Variants in TTC28 observed in about 807,000 individuals in gnomAD.
TTC28 encodes tetratricopeptide repeat domain 28.
TTC28 carries 61 observed loss-of-function variants against 198.0 expected under a neutral mutation model. The observed-to-expected ratio is 0.31, with a 90% CI of 0.25 to 0.38. The LOEUF is 0.38. Ranked by LOEUF, TTC28 falls within the 10% of genes least tolerant of loss-of-function variation. The pLI, the probability that TTC28 is intolerant of heterozygous loss-of-function variation, is 1.00. For missense variants in TTC28, 2,678 were observed against 3,164.0 expected, an observed-to-expected ratio of 0.85 and a Z score of 3.69; for synonymous variants, 1,171 against 1,297.8, an observed-to-expected ratio of 0.90 and a Z score of 2.10.
intron 2 of TTC28, among the ~76,000 whole-genome samples, chr22:28,612,844 G>C (rs1413574052): frequency 6.6e-6 from 1 of 152,138 alleles, no homozygotes; most frequent in African/African-American, 2.4e-5. Flanking sequence ...TGTTTAGAGA[G>C]AAATTTATAG....
chr22:28,179,557 C>T (rs1923508719), intron 5 of TTC28, among the ~76,000 whole-genome samples: 1 of 152,298 alleles, frequency 6.6e-6, no homozygotes, highest in South Asian at 2.1e-4. Flanking sequence ...GTGTGGGCAG[C>T]TATGTGACCT....
At chr22:27,984,417 T>C (rs1172425324) in intron 22 of TTC28, among the ~76,000 whole-genome samples, 2 of 152,056 alleles carry the variant, frequency 1.3e-5, no homozygotes, top group Admixed American at 6.5e-5. Flanking sequence ...AGTTCTGCAG[T>C]GAGAGAGACA....
At chr22:28,366,882 G>C (rs2046256549) in intron 2 of TTC28, among the ~76,000 whole-genome samples, 1 of 151,948 alleles carries the variant, frequency 6.6e-6, no homozygotes, top group Non-Finnish European at 1.5e-5. Flanking sequence ...TCACCAAGAG[G>C]ATATAACACG....
intron 13 of TTC28, among the ~76,000 whole-genome samples, chr22:28,024,956 G>A (rs1938767153): frequency 6.6e-6 from 1 of 152,198 alleles, no homozygotes; most frequent in Non-Finnish European, 1.5e-5. Context: ...GCTCCTTATT[G>A]GGGCCAGAAG....
chr22:28,003,608 T>C (rs572577364), intron 14 of TTC28, among the ~76,000 whole-genome samples: 15 of 152,270 alleles, frequency 9.9e-5, no homozygotes, highest in African/African-American at 3.1e-4. Context: ...ACGCCACTCA[T>C]AGACAAGTCC....
intron 2 of TTC28, among the ~76,000 whole-genome samples, chr22:28,376,683 G>T (rs540497466): frequency 3.3e-5 from 5 of 152,170 alleles, no homozygotes; most frequent in Admixed American, 6.5e-5. Context: ...GGGAAGCAAA[G>T]AAGAGCCCAC....
At chr22:28,212,622 T>C (rs1312763442) in intron 5 of TTC28, among the ~76,000 whole-genome samples, 2 of 92,856 alleles carry the variant, frequency 2.2e-5, no homozygotes, top group African/African-American at 7.2e-5. Flanking sequence ...GGCTCTGAAA[T>C]TGAGGCAATA....
chr22:28,272,237 T>C (rs1359999893), intron 5 of TTC28, among the ~76,000 whole-genome samples: 2 of 152,224 alleles, frequency 1.3e-5, no homozygotes, highest in Admixed American at 1.3e-4. Flanking sequence ...TTTCAAAATG[T>C]AAGCTCCATC....
chr22:28,426,679 CTT>C (rs2047355438), intron 2 of TTC28, among the ~76,000 whole-genome samples: 1 of 152,164 alleles, frequency 6.6e-6, no homozygotes, highest in South Asian at 2.1e-4. Context: ...TATTCCTCTT[CTT>C]ACCTAAGCTA....
In TTC28 at chr22:27,993,481, C is replaced by T. The variant is rs748910267; in HGVS notation, c.5282G>A (p.Arg1761His). 148 of 1,550,324 alleles carry T rather than the reference C, an allele frequency of 9.5e-5. No individual in the cohort carries two copies. Among genetic ancestry groups the T allele is most frequent in the African/African-American group, 2.9e-4 (21 of 73,028 alleles). ...CTGCTGGGATGTGTACATGGCATTG[C>T]GCTGCCCATTCTGGATGCGCTGCAG... Reference protein sequence around the residue: ...KSLQRIQNGQRNAMYTSQQSV... With the variant: ...KSLQRIQNGQHNAMYTSQQSV... The change falls in exon 18 of 23, where the codon CGC becomes CAC. Residue 1761 changes from arginine to histidine, a missense_variant. By Grantham distance (29) the Arg-to-His change is conservative. Around this residue, in one of 8 missense-constraint regions of TTC28, gnomAD observed 314 missense variants for 442.7 expected, o/e 0.71. Transcript: ENST00000397906.
rs1921495254 is a variant in TTC28, at chr22:28,163,558, T to C, written c.975A>G (p.Thr325=). 4 of 1,550,850 alleles carry C rather than the reference T, an allele frequency of 2.6e-6. No individual in the cohort carries two copies. The highest frequency in any genetic ancestry group is 3.5e-6 in the Non-Finnish European group (4 of 1,146,576). Residue 325 remains threonine, a synonymous_variant, in exon 6 of 23, where the codon ACA becomes ACG. Coordinates refer to ENST00000397906, the MANE Select transcript of TTC28 (RefSeq NM_001145418.2). The stretch of plus-strand genomic sequence containing the variant: ...GTGCATTGGGGTAGTCTCCAATGGC[T>C]GTGTACACGTGGCCCAGACTGCTCA... The part of the protein sequence containing the change: ...SALSSLGHVY[T]AIGDYPNALA...
At chr22:28,604,295 A>ATTTT (rs1453421877) in intron 2 of TTC28, among the ~76,000 whole-genome samples, 1 of 100,724 alleles carries the variant, frequency 9.9e-6, no homozygotes, top group Non-Finnish European at 2.0e-5. Flanking sequence ...AAAAAAAAAA[A>ATTTT]ATTATATATA....
chr22:28,638,003 G>A (rs966429130), intron 1 of TTC28, among the ~76,000 whole-genome samples: 2 of 152,102 alleles, frequency 1.3e-5, no homozygotes, highest in African/African-American at 4.8e-5. Flanking sequence ...CATTAAGAGG[G>A]TTTAATTATA....
At chr22:28,282,625 C>G (rs1601575951) in intron 5 of TTC28, among the ~76,000 whole-genome samples, 2 of 152,286 alleles carry the variant, frequency 1.3e-5, no homozygotes, top group South Asian at 4.1e-4. Context: ...TCCTGTTTTA[C>G]AGGTGATGAA....
intron 2 of TTC28, among the ~76,000 whole-genome samples, chr22:28,613,465 C>G (rs2050853278): frequency 6.6e-6 from 1 of 152,136 alleles, no homozygotes; most frequent in Non-Finnish European, 1.5e-5. Context: ...CAGCATCATC[C>G]TGATACCAAA....
At position 28,533,878 on chromosome 22, in the gene TTC28, T is replaced by A. The variant is rs1310510478; in HGVS notation, c.381+95674A>T. ...CCATATGTAGAAAGCTGAAACTGGA[T>A]CCCCTCCTTACCCCTTGTACAAAAA... On this transcript the variant is annotated intron_variant, in intron 2 of 22. Coordinates refer to ENST00000397906, the MANE Select transcript of TTC28 (RefSeq NM_001145418.2). Among the ~76,000 whole-genome samples the A allele has an allele frequency of 4.6e-5, 7 of 152,292 alleles. No individual in the cohort carries two copies. The East Asian group carries it at 1.3e-3, about 29-fold the overall frequency.
Position 28,005,223 on chromosome 22 carries a change from G to A in TTC28, c.4219-3670C>T, listed in dbSNP as rs990188945. On this transcript the variant is annotated intron_variant, in intron 14 of 22. Transcript: ENST00000397906. The surrounding 1 kb of genome is among the most constrained non-coding windows in gnomAD (Gnocchi z 4.9). ...AGCAAATGATGCTTGAGAACTTACG[G>A]TGTTCCAGGCCAGGTGAGGGAAAAG... is the stretch of plus-strand genomic sequence containing the variant. Among the ~76,000 whole-genome samples, 1 of 152,160 alleles carries A rather than the reference G, an allele frequency of 6.6e-6. No individual in the cohort carries two copies. Among genetic ancestry groups the A allele is most frequent in the Non-Finnish European group, 1.5e-5 (1 of 68,038 alleles).
At chr22:28,201,112 GT>G (rs1294782528) in intron 5 of TTC28, among the ~76,000 whole-genome samples, 1 of 152,116 alleles carries the variant, frequency 6.6e-6, no homozygotes, top group East Asian at 1.9e-4. Flanking sequence ...AAAACTGAGG[GT>G]CAATCAGGTC....
chr22:28,312,616 G>T (rs1364243570), intron 2 of TTC28, among the ~76,000 whole-genome samples: 1 of 152,090 alleles, frequency 6.6e-6, no homozygotes, highest in African/African-American at 2.4e-5. Flanking sequence ...TAACTACTGG[G>T]TACATAACAA....
Sources: allele counts gnomAD v4.1 joint callset (sites outside exome capture counted in the v4.1 genomes callset), GRCh38; gene constraint gnomAD v4.1.1; regional missense constraint gnomAD v4.1.1; non-coding constraint Gnocchi (gnomAD v3.1); transcripts MANE v1.5; gene names NCBI Gene and HGNC (gene_info 2026-07-23, HGNC 2026-07-21).